THSD7B: variants seen among roughly 807,000 people sequenced by gnomAD.
The protein encoded by THSD7B is thrombospondin type 1 domain containing 7B.
Under a neutral mutation model 213.6 loss-of-function variants are expected in THSD7B, and 138 were observed. The ratio of observed to expected loss-of-function variants is 0.65; its 90% CI spans 0.56 to 0.74. THSD7B has a LOEUF of 0.74. Ranked by LOEUF, THSD7B falls within the 30% of genes least tolerant of loss-of-function variation. The pLI is 0.00. For missense variants in THSD7B, 1,931 were observed against 1,991.5 expected (o/e 0.97, Z 0.58); for synonymous variants, 742 against 687.0 (o/e 1.08, Z -1.25).
chr2:137,615,667 G>A (rs1384345117), intron 17 of THSD7B, among the ~76,000 whole-genome samples: 1 of 152,120 alleles, frequency 6.6e-6, no homozygotes, highest in African/African-American at 2.4e-5. Context: ...ATAAGAAGAA[G>A]GTTCTAGTGT....
chr2:137,635,241 C>T (rs1241169194), intron 20 of THSD7B, among the ~76,000 whole-genome samples: 1 of 152,216 alleles, frequency 6.6e-6, no homozygotes, highest in Non-Finnish European at 1.5e-5. Flanking sequence ...GAGTCAACTT[C>T]TGTTCCTTCA....
At chr2:137,178,487 C>T (rs886775483) in intron 7 of THSD7B, among the ~76,000 whole-genome samples, 2 of 152,176 alleles carry the variant, frequency 1.3e-5, no homozygotes, top group African/African-American at 2.4e-5. Flanking sequence ...GTGCTGTTCA[C>T]GCTACAGGAA....
chr2:137,395,515 A>C (rs1457858211), intron 12 of THSD7B, among the ~76,000 whole-genome samples: 6 of 151,570 alleles, frequency 4.0e-5, no homozygotes, highest in Non-Finnish European at 8.8e-5. Flanking sequence ...GATGAAGCCC[A>C]CTTGATCATG....
At chr2:136,982,310 C>CA (rs35422072) in intron 2 of THSD7B, among the ~76,000 whole-genome samples, 149,688 of 151,840 alleles carry the variant, frequency 0.99, 73,821 homozygotes, top group Middle Eastern at 1. Context: ...GCTATGTGAG[C>CA]AAATTGTACT....
intron 15 of THSD7B, among the ~76,000 whole-genome samples, chr2:137,456,032 T>C (rs1687755989): frequency 6.6e-6 from 1 of 152,204 alleles, no homozygotes; most frequent in Non-Finnish European, 1.5e-5. Context: ...CAAGATTAAT[T>C]ACCTGTGCTT....
chr2:137,004,110 A>G (rs1686056068), intron 2 of THSD7B, among the ~76,000 whole-genome samples: 1 of 152,216 alleles, frequency 6.6e-6, no homozygotes. Flanking sequence ...AAGAAAATCA[A>G]TATTAATTGA....
intron 2 of THSD7B, among the ~76,000 whole-genome samples, chr2:136,962,364 G>A (rs1385646227): frequency 6.9e-6 from 1 of 145,914 alleles, no homozygotes; most frequent in African/African-American, 2.5e-5. Flanking sequence ...GGTTTACAGA[G>A]GCAATAGGAA....
At chr2:137,619,568 G>C (rs1682474518) in intron 19 of THSD7B, among the ~76,000 whole-genome samples, 1 of 152,090 alleles carries the variant, frequency 6.6e-6, no homozygotes, top group African/African-American at 2.4e-5. Flanking sequence ...CTCTAAAGAA[G>C]TTGTCTGTTT....
intron 12 of THSD7B, among the ~76,000 whole-genome samples, chr2:137,335,613 G>A (rs1011493899): frequency 1.6e-4 from 24 of 152,160 alleles, no homozygotes; most frequent in Admixed American, 1.3e-3. Flanking sequence ...ATAATGTTTG[G>A]CATGCATTGC....
At chr2:137,032,815 C>T (rs1686699860) in intron 2 of THSD7B, among the ~76,000 whole-genome samples, 1 of 152,100 alleles carries the variant, frequency 6.6e-6, no homozygotes, top group Admixed American at 6.5e-5. Flanking sequence ...GTTTAGTATC[C>T]TTTAATTTAT....
chr2:137,609,445 G>A (rs1354637052), intron 17 of THSD7B, among the ~76,000 whole-genome samples: 1 of 152,190 alleles, frequency 6.6e-6, no homozygotes, highest in African/African-American at 2.4e-5. Context: ...AGTCATGCAG[G>A]TACTGGAGGA....
chr2:136,829,142 T>A (rs1405730166), intron 1 of THSD7B, among the ~76,000 whole-genome samples: 2 of 150,512 alleles, frequency 1.3e-5, no homozygotes, highest in East Asian at 2.0e-4. Context: ...AAGGACAGAT[T>A]GTAATTTCTG....
At chr2:137,114,792 C>G (rs921264467) in intron 4 of THSD7B, among the ~76,000 whole-genome samples, 1 of 152,178 alleles carries the variant, frequency 6.6e-6, no homozygotes, top group Non-Finnish European at 1.5e-5. Context: ...GTTCAGCTAT[C>G]AAGAATTAGG....
At chr2:136,879,863 CAAAG>C (rs1427755076) in intron 1 of THSD7B, among the ~76,000 whole-genome samples, 3 of 152,026 alleles carry the variant, frequency 2.0e-5, no homozygotes, top group African/African-American at 7.3e-5. Context: ...TCAAAAGAGA[CAAAG>C]AAGGCCATTA....
At chr2:137,007,505 C>G (rs1209454977) in intron 2 of THSD7B, among the ~76,000 whole-genome samples, 1 of 152,088 alleles carries the variant, frequency 6.6e-6, no homozygotes, top group Non-Finnish European at 1.5e-5. Flanking sequence ...ATTTTCATAT[C>G]AGAGAATAAA....
At chr2:136,919,360 C>T (rs1017709610) in intron 2 of THSD7B, among the ~76,000 whole-genome samples, 8 of 152,186 alleles carry the variant, frequency 5.3e-5, no homozygotes, top group Non-Finnish European at 1.2e-4. Flanking sequence ...GTGTTTCCTT[C>T]CCTTTCTTGT....
rs771892622 is a variant in THSD7B at position 137,122,419 on chromosome 2, G to T, written c.1369+7126G>T. On this transcript the variant is annotated intron_variant, in intron 5 of 27. Transcript: ENST00000409968. The stretch of plus-strand genomic sequence containing the variant: ...TACCTGGGCCTTAAAGGAAGTTCAT[G>T]GTTTAAACAGGTGTTCATATGAAAG... Among the ~76,000 whole-genome samples, 99 of 152,240 alleles carry T rather than the reference G, an allele frequency of 6.5e-4. 1 individual carries two copies. Among genetic ancestry groups the T allele is most frequent in the Middle Eastern group, 3.4e-3 (1 of 294 alleles).
chr2:137,162,323 G>T lies in THSD7B; in HGVS notation c.1525+1955G>T, dbSNP rs570348220. 5.9e-5 allele frequency among the ~76,000 whole-genome samples: 9 copies of T among 152,166 alleles called. No homozygotes were observed. In the South Asian group the frequency reaches 1.7e-3, roughly 28 times the overall value. On this transcript the variant is annotated intron_variant, in intron 6 of 27. Coordinates refer to ENST00000409968, the MANE Select transcript of THSD7B (RefSeq NM_001316349.2). The stretch of plus-strand genomic sequence containing the variant: ...AGCAGAAAGAAATGTCTTTTCCATT[G>T]GTCCCCGGAAGAGTCCTGGAGTTGA...
chr2:137,267,027 G>A (rs560092774), intron 10 of THSD7B, among the ~76,000 whole-genome samples: 4 of 152,180 alleles, frequency 2.6e-5, no homozygotes, highest in East Asian at 1.9e-4. Context: ...ATTTCTTCTC[G>A]CTTTGCTATC....
Sources: allele counts gnomAD v4.1 joint callset (sites outside exome capture counted in the v4.1 genomes callset), GRCh38; gene constraint gnomAD v4.1.1; transcripts MANE v1.5; gene names NCBI Gene and HGNC (gene_info 2026-07-23, HGNC 2026-07-21).